The following COL7A1 variants were observed in gnomAD, a reference collection of about 807,000 sequenced individuals.
COL7A1 encodes the protein collagen alpha-1(VII) chain.
COL7A1 carries 296 observed loss-of-function variants against 456.2 expected under a neutral mutation model. That is an observed-to-expected ratio of 0.65 (90% CI 0.59 to 0.71). COL7A1 has a LOEUF of 0.71. COL7A1 is among the 30% of genes least tolerant of loss of function. COL7A1 has a pLI of 0.00. For missense variants in COL7A1, 3,441 were observed against 4,017.2 expected (o/e 0.86, Z 3.88); for synonymous variants, 1,464 against 1,525.9 (o/e 0.96, Z 0.95).
chr3:48,575,039 A>G lies in COL7A1; in HGVS notation c.6279+25T>C. Reference sequence around the variant, plus strand: ...TGGCTTCCTGGTCACTAGTCACAGGACTAAGGCAGGGATGGGGTGATCACC... The same window carrying G: ...TGGCTTCCTGGTCACTAGTCACAGGGCTAAGGCAGGGATGGGGTGATCACC... On this transcript the variant is annotated intron_variant, in intron 76 of 118. Transcript: ENST00000681320. The surrounding 1 kb of genome is among the most constrained non-coding windows in gnomAD (Gnocchi z 6.3). The G allele has an allele frequency of 6.2e-7, 1 of 1,608,326 alleles. No individual in the cohort carries two copies. The highest frequency in any genetic ancestry group is 1.3e-5 in the African/African-American group (1 of 74,746).
Position 48,578,905 on chromosome 3 carries a change from C to G in COL7A1, c.5424+14G>C. On this transcript the variant is annotated intron_variant, in intron 63 of 118. Transcript: ENST00000681320. This position sits in a 1 kb window ranked among gnomAD's most constrained non-coding sequence, Gnocchi z 4.7. The stretch of plus-strand genomic sequence containing the variant: ...CCCCGAGCCCCCTCTGTCCCAGCAT[C>G]TCCCCTCACTTACGTCTCTCCCTGG... The G allele has an allele frequency of 1.2e-6, 2 of 1,613,336 alleles. No individual in the cohort carries two copies. The highest frequency in any genetic ancestry group is 1.7e-6 in the Non-Finnish European group (2 of 1,179,670).
chr3:48,569,102 AGCACCTTCAGAT>A lies in COL7A1; in HGVS notation c.7687-259_7687-248del, dbSNP rs2043758366. ...TCACTGGGTTCCTCATCCCATCTGAAGCACCTTCAGATGGGGACACCCAAGGAGCCCCTTTCC... is the reference window on the plus strand; with the variant it reads ...TCACTGGGTTCCTCATCCCATCTGAAGGGGACACCCAAGGAGCCCCTTTCC... On this transcript the variant is annotated intron_variant, in intron 103 of 118. Coordinates refer to ENST00000681320, the MANE Select transcript of COL7A1 (RefSeq NM_000094.4). The surrounding 1 kb of genome is among the most constrained non-coding windows in gnomAD (Gnocchi z 4.9). 6.6e-6 allele frequency among the ~76,000 whole-genome samples: 1 copy of A among 151,948 alleles called. No individual in the cohort carries two copies. The highest frequency in any genetic ancestry group is 2.4e-5 in the African/African-American group (1 of 41,324).
rs773516071 is a variant in COL7A1, at chr3:48,574,250, G to A, written c.6501+12C>T. On this transcript the variant is annotated intron_variant, in intron 80 of 118. Transcript: ENST00000681320. This position sits in a 1 kb window ranked among gnomAD's most constrained non-coding sequence, Gnocchi z 5.0. ...CCGGAGCCTGGGGCCAGGTGCTTCA[G>A]CCACCACTCACCGGCTTCCCTTCAG... 3 of 1,613,840 alleles carry A rather than the reference G, an allele frequency of 1.9e-6. No homozygotes were observed. The highest frequency in any genetic ancestry group is 2.5e-6 in the Non-Finnish European group (3 of 1,179,974).
chr3:48,584,554 C>T lies in COL7A1; in HGVS notation c.4050G>A (p.Gly1350=), dbSNP rs1221104146. 1.9e-6 allele frequency: 3 copies of T among 1,614,014 alleles called. No homozygotes were observed. In the African/African-American group the frequency reaches 4.0e-5, roughly 22 times the overall value. The change falls in exon 36 of 119, where the codon GGG becomes GGA. Residue 1350 remains glycine (G), a splice_region_variant and synonymous_variant. Coordinates refer to ENST00000681320, the MANE Select transcript of COL7A1 (RefSeq NM_000094.4). ...CACCTCCGATGACTTGTCCGGGAGC[C>T]CCCTGTAAGGACAGAGAGCAGTGGG... The part of the protein sequence containing the change: ...RGPRGPKGEP[G]APGQVIGGEG...
rs1176396609 is a variant in COL7A1 at position 48,572,464 on chromosome 3, A to G, written c.6936+39T>C. ...TCAGTGGGATTCCTTGGCCCCCACC[A>G]GTTGACCCCCCCTCACTGGCAGCCC... On this transcript the variant is annotated intron_variant, in intron 89 of 118. Coordinates refer to ENST00000681320, the MANE Select transcript of COL7A1 (RefSeq NM_000094.4). The surrounding 1 kb of genome is among the most constrained non-coding windows in gnomAD (Gnocchi z 4.6). 6.2e-7 allele frequency: 1 copy of G among 1,612,684 alleles called. No individual in the cohort carries two copies. Among genetic ancestry groups the G allele is most frequent in the South Asian group, 1.1e-5 (1 of 91,020 alleles).
chr3:48,576,782 T>G lies in COL7A1; in HGVS notation c.5605-11A>C. 1 of 1,613,806 alleles carries G rather than the reference T, an allele frequency of 6.2e-7. No homozygotes were observed. Among genetic ancestry groups the G allele is most frequent in the Non-Finnish European group, 8.5e-7 (1 of 1,179,912 alleles). ...GGGGCCATCACGACCCTGTGAAGGA[T>G]GCAGCCAGCATCAGCACCCTGAGAC... On this transcript the variant is annotated splice_polypyrimidine_tract_variant and intron_variant, in intron 67 of 118. Transcript: ENST00000681320.
Position 48,590,952 on chromosome 3 carries a change from G to C in COL7A1, c.1637-136C>G. Reference sequence around the variant, plus strand: ...GTGGGGTGGTGGGGACCAGAGAGCTGGGATATGGCTGAAAAAAGTGAGTGC... The same window carrying C: ...GTGGGGTGGTGGGGACCAGAGAGCTCGGATATGGCTGAAAAAAGTGAGTGC... On this transcript the variant is annotated intron_variant, in intron 13 of 118. Coordinates refer to ENST00000681320, the MANE Select transcript of COL7A1 (RefSeq NM_000094.4). The surrounding 1 kb of genome is among the most constrained non-coding windows in gnomAD (Gnocchi z 4.6). The C allele has an allele frequency of 5.2e-6, 5 of 970,490 alleles. No homozygotes were observed. The South Asian group carries it at 6.9e-5, about 13-fold the overall frequency. The allele number at this position is 970,490 out of a possible 1,614,324, so 60.1% of individuals were successfully genotyped here.
In COL7A1 at chr3:48,580,035, C is replaced by T. The variant is rs747945597; in HGVS notation, c.5120G>A (p.Arg1707Gln). ...CAGACCCAGCGCAGCCCTTACCAGC[C>T]GTCCCGGGGGTCCTGGGGGACCCTG... Reference protein sequence around the residue: ...GEPGPPGPPGRLVDTGPGARE... With the variant: ...GEPGPPGPPGQLVDTGPGARE... The change falls in exon 57 of 119, where the codon CGG becomes CAG. Residue 1707 changes from arginine (R) to glutamine (Q), a missense_variant. By Grantham distance (43) the Arg-to-Gln change is conservative. Transcript: ENST00000681320. This position sits in a 1 kb window ranked among gnomAD's most constrained non-coding sequence, Gnocchi z 4.5. 1.9e-5 allele frequency: 30 copies of T among 1,613,854 alleles called. No individual in the cohort carries two copies. The highest frequency in any genetic ancestry group is 1.1e-4 in the South Asian group (10 of 91,078).
chr3:48,590,789 C>A lies in COL7A1; in HGVS notation c.1664G>T (p.Gly555Val). 1.9e-6 allele frequency: 3 copies of A among 1,613,734 alleles called. No homozygotes were observed. The highest frequency in any genetic ancestry group is 2.5e-6 in the Non-Finnish European group (3 of 1,180,020). ...QGVERTLVLP[G>V]SQTAFDLDDV... ...ATCCAAGTCGAATGCTGTCTGACTC[C>A]CAGGAAGCACCAGGGTCCGCTCAAC... Residue 555 changes from glycine to valine, a missense_variant, in exon 14 of 119, where the codon GGG becomes GTG. Transcript: ENST00000681320. This position sits in a 1 kb window ranked among gnomAD's most constrained non-coding sequence, Gnocchi z 4.6.
At position 48,580,549 on chromosome 3, in the gene COL7A1, G is replaced by C; in HGVS notation, c.5052+32C>G. 1 of 1,608,824 alleles carries C rather than the reference G, an allele frequency of 6.2e-7. No homozygotes were observed. Among genetic ancestry groups the C allele is most frequent in the South Asian group, 1.1e-5 (1 of 90,780 alleles). Reference sequence around the variant, plus strand: ...GGAATTGGCTGGTTGGAGGGTTAAGGTTGGGGTGAGGAGTCATAGGCTGGG... The same window carrying C: ...GGAATTGGCTGGTTGGAGGGTTAAGCTTGGGGTGAGGAGTCATAGGCTGGG... On this transcript the variant is annotated intron_variant, in intron 55 of 118. Coordinates refer to ENST00000681320, the MANE Select transcript of COL7A1 (RefSeq NM_000094.4). This position sits in a 1 kb window ranked among gnomAD's most constrained non-coding sequence, Gnocchi z 4.5.
rs1225325330 is a variant in COL7A1 at position 48,583,431 on chromosome 3, G to A, written c.4402-3C>T. 5.0e-6 allele frequency: 8 copies of A among 1,614,046 alleles called. No homozygotes were observed. Among genetic ancestry groups the A allele is most frequent in the Non-Finnish European group, 5.9e-6 (7 of 1,180,034 alleles). On this transcript the variant is annotated splice_polypyrimidine_tract_variant and splice_region_variant and intron_variant, in intron 41 of 118. Coordinates refer to ENST00000681320, the MANE Select transcript of COL7A1 (RefSeq NM_000094.4). This position sits in a 1 kb window ranked among gnomAD's most constrained non-coding sequence, Gnocchi z 5.1. ...GCTCCAGGAGGTCCCCGTGGGCCCT[G>A]GAAGGGATGAATTTGGGGGTTCAGA...
At chr3:48,582,731 G>A in intron 44 of COL7A1, 78 bp from the exon 45 acceptor site, 4 of 1,498,516 alleles carry the variant, frequency 2.7e-6, no homozygotes, top group East Asian at 2.3e-5. Flanking sequence ...AGGCTGGGGT[G>A]GGGGCTGGAG....
At position 48,573,494 on chromosome 3, in the gene COL7A1, T is replaced by C; in HGVS notation, c.6618+19A>G. ...AGCTTGAAGGAGCCTCCTCCTCCTA[T>C]CCACACACCTAGACTCACCTTCAGG... On this transcript the variant is annotated intron_variant, in intron 83 of 118. Coordinates refer to ENST00000681320, the MANE Select transcript of COL7A1 (RefSeq NM_000094.4). The surrounding 1 kb of genome is among the most constrained non-coding windows in gnomAD (Gnocchi z 5.5). 1 of 1,613,992 alleles carries C rather than the reference T, an allele frequency of 6.2e-7. No homozygotes were observed. Among genetic ancestry groups the C allele is most frequent in the Non-Finnish European group, 8.5e-7 (1 of 1,180,000 alleles).
At position 48,566,534 on chromosome 3, in the gene COL7A1, G is replaced by A. The variant is rs776970931; in HGVS notation, c.8334C>T (p.Gly2778=). Reference sequence around the variant, plus strand: ...CCGTCAGTGCAGCTTCTCCCTTCTCGCCTCGAGGACCGGCAGGCCCTGGCC... The same window carrying A: ...CCGTCAGTGCAGCTTCTCCCTTCTCACCTCGAGGACCGGCAGGCCCTGGCC... ...QGRPGPAGPR[G]EKGEAALTED... is the part of the protein sequence containing the mutation. The change falls in exon 113 of 119, where the codon GGC becomes GGT. Residue 2778 remains glycine (G), a synonymous_variant. Coordinates refer to ENST00000681320, the MANE Select transcript of COL7A1 (RefSeq NM_000094.4). The surrounding 1 kb of genome is among the most constrained non-coding windows in gnomAD (Gnocchi z 5.9). 1.7e-5 allele frequency: 28 copies of A among 1,613,840 alleles called. No homozygotes were observed. The highest frequency in any genetic ancestry group is 3.3e-4 in the Middle Eastern group (2 of 6,078).
chr3:48,587,518 A>C lies in COL7A1; in HGVS notation c.2894T>G (p.Val965Gly), dbSNP rs763515053. The part of the protein sequence containing the change: ...PRVPSIELRV[V>G]DTSIDSVTLA... ...AGTCACCGAGTCGATCGAGGTGTCCACCACACGTAGTTCAATGCTTGGAAC... is the reference window on the plus strand; with the variant it reads ...AGTCACCGAGTCGATCGAGGTGTCCCCCACACGTAGTTCAATGCTTGGAAC... The change falls in exon 23 of 119, where the codon GTG becomes GGG. Residue 965 changes from valine (V) to glycine (G), a missense_variant. By Grantham distance (109) the Val-to-Gly change is moderately radical. This residue lies in a region of COL7A1 where 444 missense variants were observed against 427.6 expected (regional missense o/e 1.04). Coordinates refer to ENST00000681320, the MANE Select transcript of COL7A1 (RefSeq NM_000094.4). The surrounding 1 kb of genome is among the most constrained non-coding windows in gnomAD (Gnocchi z 6.1). The C allele has an allele frequency of 1.2e-6, 2 of 1,613,526 alleles. No individual in the cohort carries two copies. The highest frequency in any genetic ancestry group is 1.7e-6 in the Non-Finnish European group (2 of 1,180,030).
Position 48,590,214 on chromosome 3 carries a change from C to T in COL7A1, c.2049G>A (p.Thr683=), listed in dbSNP as rs761908265. 6 of 1,612,922 alleles carry T rather than the reference C, an allele frequency of 3.7e-6. No individual in the cohort carries two copies. Among genetic ancestry groups the T allele is most frequent in the Middle Eastern group, 1.7e-4 (1 of 5,968 alleles). The change falls in exon 16 of 119, where the codon ACG becomes ACA. Residue 683 remains threonine (T), a splice_region_variant and synonymous_variant. Coordinates refer to ENST00000681320, the MANE Select transcript of COL7A1 (RefSeq NM_000094.4). This position sits in a 1 kb window ranked among gnomAD's most constrained non-coding sequence, Gnocchi z 4.6. Reference sequence around the variant, plus strand: ...CAAGGGACGGGGGCAGGGCCTGACCCGTTCGAGCCACGATGACTGCAGCAG... The same window carrying T: ...CAAGGGACGGGGGCAGGGCCTGACCTGTTCGAGCCACGATGACTGCAGCAG... ...EGPAAVIVAR[T]DPLGPVRTVH... is the part of the protein sequence containing the mutation.
In COL7A1 at chr3:48,588,014, C is replaced by T. The variant is rs901865295; in HGVS notation, c.2711-75G>A. On this transcript the variant is annotated intron_variant, in intron 21 of 118. Coordinates refer to ENST00000681320, the MANE Select transcript of COL7A1 (RefSeq NM_000094.4). The surrounding 1 kb of genome is among the most constrained non-coding windows in gnomAD (Gnocchi z 4.6). ...CTGGGGGCATTAAAGGGCCTGCCCA[C>T]TTCACTGGCTCTGTTAACTGGGTTC... 2 of 1,496,118 alleles carry T rather than the reference C, an allele frequency of 1.3e-6. No individual in the cohort carries two copies. The highest frequency in any genetic ancestry group is 1.8e-6 in the Non-Finnish European group (2 of 1,105,254). 92.7% of individuals were successfully genotyped at this position (1,496,118 alleles called of 1,614,324 possible).
Position 48,581,934 on chromosome 3 carries a change from C to T in COL7A1, c.4645G>A (p.Val1549Ile), listed in dbSNP as rs1236118861. The T allele has an allele frequency of 2.5e-6, 4 of 1,614,050 alleles. No homozygotes were observed. Among genetic ancestry groups the T allele is most frequent in the East Asian group, 2.2e-5 (1 of 44,878 alleles). Reference protein sequence around the residue: ...PGDPAVVGPAVAGPKGEKGDV... With the variant: ...PGDPAVVGPAIAGPKGEKGDV... The stretch of plus-strand genomic sequence containing the variant: ...ACCTTTTCTCCTTTGGGTCCAGCAA[C>T]AGCAGGTCCCTGAAAACAAACAGGA... The change falls in exon 48 of 119, where the codon GTT (valine) becomes ATT (isoleucine). Residue 1549 changes from valine (V) to isoleucine (I), a missense_variant. Val to Ile is a conservative substitution (Grantham distance 29, BLOSUM62 3). Transcript: ENST00000681320. The surrounding 1 kb of genome is among the most constrained non-coding windows in gnomAD (Gnocchi z 5.8).
Position 48,573,967 on chromosome 3 carries a change from T to C in COL7A1, c.6502-77A>G. 1.3e-6 allele frequency: 2 copies of C among 1,568,802 alleles called. No homozygotes were observed. Among genetic ancestry groups the C allele is most frequent in the East Asian group, 2.3e-5 (1 of 43,466 alleles). The stretch of plus-strand genomic sequence containing the variant: ...TTCCCAACCTCTGGGGGCTTTTTCC[T>C]TGGGGGTCAATTTCCATACCTCACC... On this transcript the variant is annotated intron_variant, in intron 80 of 118. Coordinates refer to ENST00000681320, the MANE Select transcript of COL7A1 (RefSeq NM_000094.4). This position sits in a 1 kb window ranked among gnomAD's most constrained non-coding sequence, Gnocchi z 5.5.
Sources: gnomAD v4.1 joint callset for allele counts (sites outside exome capture counted in the v4.1 genomes callset) on GRCh38, gnomAD v4.1.1 for gene constraint, gnomAD v4.1.1 regional missense constraint, Gnocchi (gnomAD v3.1) non-coding constraint, MANE v1.5 for transcripts, NCBI Gene and HGNC (gene_info 2026-07-23, HGNC 2026-07-21) for gene names.